The following MAP3K19 variants were observed in gnomAD, a reference collection of about 807,000 sequenced individuals.
The protein encoded by MAP3K19 is SPS1/STE20-related protein kinase YSK4.
Under a neutral mutation model 114.4 loss-of-function variants are expected in MAP3K19, and 91 were observed. The observed-to-expected ratio is 0.80, with a 90% CI of 0.67 to 0.95. The LOEUF is 0.95. Among genes scored for constraint, MAP3K19 ranks in the 40% least tolerant of loss-of-function variants. The pLI is 0.00. For synonymous variants in MAP3K19, 518 were observed against 530.5 expected, an observed-to-expected ratio of 0.98 and a Z score of 0.32; for missense variants, 1,471 against 1,573.2, an observed-to-expected ratio of 0.94 and a Z score of 1.10.
In MAP3K19 at chr2:135,000,423, T is replaced by C. The variant is rs1049651728; in HGVS notation, c.236-408A>G. Among the ~76,000 whole-genome samples the C allele has an allele frequency of 2.0e-5, 3 of 152,356 alleles. No homozygotes were observed. The East Asian group carries it at 5.8e-4, about 29-fold the overall frequency. On this transcript the variant is annotated intron_variant, in intron 6 of 12. Coordinates refer to ENST00000392915, the MANE Select transcript of MAP3K19 (RefSeq NM_025052.5). ...AATTTTGGTCATCTCCTGTCTCATTTCATGAACTAATTTCCAGAATAACCC... is the reference window on the plus strand; with the variant it reads ...AATTTTGGTCATCTCCTGTCTCATTCCATGAACTAATTTCCAGAATAACCC...
chr2:134,976,909 C>A (rs1169029885), intron 12 of MAP3K19, among the ~76,000 whole-genome samples: 1 of 151,614 alleles, frequency 6.6e-6, no homozygotes, highest in Non-Finnish European at 1.5e-5. Context: ...CAGCTGGCCA[C>A]AGTGGCAGGC....
At chr2:134,970,516 T>G (rs1683791021) in intron 12 of MAP3K19, among the ~76,000 whole-genome samples, 1 of 151,902 alleles carries the variant, frequency 6.6e-6, no homozygotes, top group Admixed American at 6.6e-5. Flanking sequence ...TTTGGTGGAG[T>G]CTTTAGGTTT....
At chr2:134,984,951 C>CA (rs984686275) in intron 10 of MAP3K19, among the ~76,000 whole-genome samples, 2 of 151,246 alleles carry the variant, frequency 1.3e-5, no homozygotes, top group African/African-American at 2.4e-5. Context: ...GACTCCATCT[C>CA]AAAAAAAAAT....
intron 1 of MAP3K19, among the ~76,000 whole-genome samples, chr2:135,044,100 T>C (rs1688694923): frequency 6.6e-6 from 1 of 152,244 alleles, no homozygotes; most frequent in Non-Finnish European, 1.5e-5. Context: ...ACAGCAATCA[T>C]GCCCAACATT....
At chr2:135,010,496 A>T (rs1687144063) in intron 5 of MAP3K19, among the ~76,000 whole-genome samples, 1 of 152,236 alleles carries the variant, frequency 6.6e-6, no homozygotes, top group African/African-American at 2.4e-5. Flanking sequence ...GGATTTCATA[A>T]ACCATTGACA....
At chr2:134,977,251 G>T (rs1490751100) in intron 12 of MAP3K19, among the ~76,000 whole-genome samples, 1 of 150,182 alleles carries the variant, frequency 6.7e-6, no homozygotes, top group Non-Finnish European at 1.5e-5. Flanking sequence ...GCATGATCAC[G>T]GTTCACTGTG....
chr2:134,981,605 CTCTT>C, intron 11 of MAP3K19, 87 bp from the exon 12 acceptor site: 3 of 1,021,234 alleles, frequency 2.9e-6, no homozygotes, highest in Non-Finnish European at 4.4e-6. Context: ...ACTTTCCCTT[CTCTT>C]TCTAAACCCT....
intron 5 of MAP3K19, 59 bp downstream of exon 5, chr2:135,021,656 A>G (rs1379255075): frequency 2.2e-6 from 2 of 909,450 alleles, no homozygotes; most frequent in African/African-American, 3.4e-5. Flanking sequence ...TTCAAGCAAC[A>G]CAAATAAAGT....
At chr2:134,973,953 T>A (rs977996774) in intron 12 of MAP3K19, among the ~76,000 whole-genome samples, 7 of 152,246 alleles carry the variant, frequency 4.6e-5, no homozygotes, top group African/African-American at 1.7e-4. Context: ...TATAGCATTC[T>A]TGGCTGACAG....
At chr2:135,043,272 T>C (rs1239638456) in intron 1 of MAP3K19, among the ~76,000 whole-genome samples, 1 of 151,966 alleles carries the variant, frequency 6.6e-6, no homozygotes, top group Non-Finnish European at 1.5e-5. Flanking sequence ...TGTAAACAAG[T>C]GTGTGTGGTT....
chr2:135,006,216 T>C (rs1046750855), intron 5 of MAP3K19, among the ~76,000 whole-genome samples: 4 of 152,260 alleles, frequency 2.6e-5, no homozygotes, highest in Non-Finnish European at 5.9e-5. Flanking sequence ...TTCGAAGTTA[T>C]AGCTGATGAT....
chr2:134,999,295 C>G lies in MAP3K19; in HGVS notation c.315-298G>C, dbSNP rs550308677. On this transcript the variant is annotated intron_variant, in intron 7 of 12. Transcript: ENST00000392915. The surrounding 1 kb of genome is among the most constrained non-coding windows in gnomAD (Gnocchi z 4.1). ...ACCAAGGGCAGGCCTGGGGGATGTA[C>G]CCTTTTATCTCCACAGGTACTGACT... is the stretch of plus-strand genomic sequence containing the variant. 1.8e-4 allele frequency among the ~76,000 whole-genome samples: 28 copies of G among 152,252 alleles called. 1 individual carries two copies. In the South Asian group the frequency reaches 5.2e-3, roughly 28 times the overall value.
In MAP3K19 at chr2:134,987,982, T is replaced by TG; in HGVS notation, c.889dup (p.His297ProfsTer21). ...CTCCTTCTCCAGGCATTGCCTGTGA[T>TG]GGTTAGTCTTAGGAAAAGAGCACAT... On this transcript the variant is annotated frameshift_variant, in exon 10 of 13. Coordinates refer to ENST00000392915, the MANE Select transcript of MAP3K19 (RefSeq NM_025052.5). LOFTEE classifies it high-confidence loss of function. 1 of 1,614,224 alleles carries TG rather than the reference T, an allele frequency of 6.2e-7. No homozygotes were observed. Among genetic ancestry groups the TG allele is most frequent in the African/African-American group, 1.3e-5 (1 of 75,042 alleles).
intron 12 of MAP3K19, among the ~76,000 whole-genome samples, chr2:134,979,046 CT>C (rs1684438247): frequency 6.6e-6 from 1 of 152,196 alleles, no homozygotes; most frequent in South Asian, 2.1e-4. Flanking sequence ...TTTCCCTAGT[CT>C]ATGCCTGATT....
At chr2:134,991,193 C>T (rs1296306034) in intron 9 of MAP3K19, 29 of 262,602 alleles carry the variant, frequency 1.1e-4, no homozygotes, top group Non-Finnish European at 1.1e-4. Flanking sequence ...CCCAGCTACT[C>T]GGGAGGCTGA....
At chr2:134,991,409 G>T in intron 9 of MAP3K19, 128 bp downstream of exon 9, 2 of 789,058 alleles carry the variant, frequency 2.5e-6, no homozygotes, top group Non-Finnish European at 4.5e-6. Flanking sequence ...CTGTGTTGGG[G>T]ACATCAGTGA....
At chr2:135,033,155 G>T (rs1175827809) in intron 2 of MAP3K19, among the ~76,000 whole-genome samples, 1 of 116,018 alleles carries the variant, frequency 8.6e-6, no homozygotes, top group Non-Finnish European at 1.7e-5. Flanking sequence ...GGTGGTGGCC[G>T]GGCAGAGGGG....
At chr2:135,018,760 C>A (rs1451223987) in intron 5 of MAP3K19, among the ~76,000 whole-genome samples, 1 of 152,040 alleles carries the variant, frequency 6.6e-6, no homozygotes, top group East Asian at 1.9e-4. Flanking sequence ...AAAATACGTA[C>A]CTCGACCTAA....
intron 2 of MAP3K19, among the ~76,000 whole-genome samples, chr2:135,038,059 G>A (rs1455321108): frequency 6.6e-6 from 1 of 152,056 alleles, no homozygotes; most frequent in Non-Finnish European, 1.5e-5. Context: ...GCCTGAGAGA[G>A]GAAAGGAAGT....
Sources: gnomAD v4.1 joint callset for allele counts (sites outside exome capture counted in the v4.1 genomes callset) on GRCh38, gnomAD v4.1.1 for gene constraint, Gnocchi (gnomAD v3.1) non-coding constraint, MANE v1.5 for transcripts, NCBI Gene and HGNC (gene_info 2026-07-23, HGNC 2026-07-21) for gene names.